The following RXYLT1 variants were observed in gnomAD, a reference collection of about 807,000 sequenced individuals.
RXYLT1 encodes ribitol-5-phosphate xylosyltransferase 1.
Under a neutral mutation model 43.5 loss-of-function variants are expected in RXYLT1, and 41 were observed. That is an observed-to-expected ratio of 0.94 (90% CI 0.73 to 1.22). The LOEUF (loss-of-function observed/expected upper bound fraction) is 1.22, where lower values mean the gene tolerates loss of function less well. RXYLT1 is among the 50% of genes most tolerant of loss of function. The probability of loss-of-function intolerance (pLI) is 0.00; values close to 1 mark genes in which losing one functional copy is unlikely to be tolerated. For synonymous variants in RXYLT1, 166 were observed against 194.4 expected, an observed-to-expected ratio of 0.85 and a Z score of 1.21; for missense variants, 514 against 532.0, an observed-to-expected ratio of 0.97 and a Z score of 0.33.
chr12:63,784,740 C>T (rs1897761883), intron 2 of RXYLT1, among the ~76,000 whole-genome samples: 1 of 152,162 alleles, frequency 6.6e-6, no homozygotes, highest in Admixed American at 6.5e-5. Context: ...TATTAACTCA[C>T]ATTTTGCCAC....
At chr12:63,787,487 C>G (rs907136162) in intron 3 of RXYLT1, among the ~76,000 whole-genome samples, 5 of 152,162 alleles carry the variant, frequency 3.3e-5, no homozygotes, top group African/African-American at 1.2e-4. Flanking sequence ...TTGACCTCGT[C>G]CCATGAATCA....
chr12:63,786,995 TC>T (rs977272626), intron 3 of RXYLT1, among the ~76,000 whole-genome samples: 5 of 151,998 alleles, frequency 3.3e-5, no homozygotes, highest in African/African-American at 1.2e-4. Context: ...ACACCTGTAA[TC>T]CCAGCTACTT....
chr12:63,809,266 G>A lies in RXYLT1; in HGVS notation c.*174G>A, dbSNP rs1012036914. 2 of 517,868 alleles carry A rather than the reference G, an allele frequency of 3.9e-6. No individual in the cohort carries two copies. The highest frequency in any genetic ancestry group is 7.1e-5 in the East Asian group (2 of 28,110). The allele number at this position is 517,868 out of a possible 1,614,324, so 32.1% of individuals were successfully genotyped here. On this transcript the variant is annotated 3_prime_UTR_variant, in exon 6 of 6. Transcript: ENST00000261234. ...GTGGTAGACTACATATATGATAGTG[G>A]TCCCATAAGATTATAATGGAGCTGA...
chr12:63,783,994 A>C (rs1328185865), intron 2 of RXYLT1, among the ~76,000 whole-genome samples: 1 of 151,814 alleles, frequency 6.6e-6, no homozygotes, highest in African/African-American at 2.4e-5. Context: ...TCACTCTGAC[A>C]CTCCTGCCTC....
At chr12:63,800,583 A>ATCATTTTTTCAT (rs1898136684) in intron 3 of RXYLT1, among the ~76,000 whole-genome samples, 1 of 152,138 alleles carries the variant, frequency 6.6e-6, no homozygotes, top group South Asian at 2.1e-4. Context: ...ATGAGTTATG[A>ATCATTTTTTCAT]TACATGTCTA....
At chr12:63,790,785 C>T (rs1031266752) in intron 3 of RXYLT1, among the ~76,000 whole-genome samples, 2 of 152,178 alleles carry the variant, frequency 1.3e-5, no homozygotes, top group South Asian at 2.1e-4. Context: ...TGTTCTATTA[C>T]TTTGCTGTCT....
rs1209872283 is a variant in RXYLT1 at position 63,798,230 on chromosome 12, T to G, written c.429-3861T>G. 2.0e-5 allele frequency among the ~76,000 whole-genome samples: 3 copies of G among 152,166 alleles called. No homozygotes were observed. The East Asian group carries it at 5.8e-4, about 29-fold the overall frequency. On this transcript the variant is annotated intron_variant, in intron 3 of 5. Transcript: ENST00000261234. ...CCAAGCTCTCAAACATTGAGTGATC[T>G]TTCCTGGCTCAAGGTTAAAGCCCAC...
chr12:63,798,901 AT>A (rs1343789430), intron 3 of RXYLT1, among the ~76,000 whole-genome samples: 1 of 152,178 alleles, frequency 6.6e-6, no homozygotes, highest in Non-Finnish European at 1.5e-5. Flanking sequence ...GTGTCTGTGT[AT>A]TTTTTTAAGT....
chr12:63,791,987 T>C (rs1897928082), intron 3 of RXYLT1, among the ~76,000 whole-genome samples: 1 of 152,244 alleles, frequency 6.6e-6, no homozygotes, highest in Admixed American at 6.5e-5. Context: ...AGGCAGGTAC[T>C]GTGCTTACCT....
intron 3 of RXYLT1, among the ~76,000 whole-genome samples, chr12:63,791,407 A>G (rs745462111): frequency 2.2e-4 from 33 of 152,234 alleles, no homozygotes; most frequent in Non-Finnish European, 3.8e-4. Context: ...CGATTATAAC[A>G]TCTTCAGTGA....
chr12:63,797,336 T>C (rs778277530), intron 3 of RXYLT1, among the ~76,000 whole-genome samples: 4 of 152,188 alleles, frequency 2.6e-5, no homozygotes, highest in African/African-American at 4.8e-5. Flanking sequence ...TTTATTGTTA[T>C]GGAAATACAG....
In RXYLT1 at chr12:63,802,212, G is replaced by T; in HGVS notation, c.550G>T (p.Ala184Ser). 1 of 1,614,074 alleles carries T rather than the reference G, an allele frequency of 6.2e-7. No homozygotes were observed. The highest frequency in any genetic ancestry group is 8.5e-7 in the Non-Finnish European group (1 of 1,180,008). ...IFYATQWLLY[A>S]QNLVQIQKLQ... Reference sequence around the variant, plus strand: ...TTATGCCACCCAGTGGTTACTTTATGCACAAAATTTAGTGCAAATTCAAAA... The same window carrying T: ...TTATGCCACCCAGTGGTTACTTTATTCACAAAATTTAGTGCAAATTCAAAA... The change falls in exon 4 of 6, where the codon GCA becomes TCA. Residue 184 changes from alanine to serine, a missense_variant. Ala to Ser is a moderately conservative substitution (Grantham distance 99). Transcript: ENST00000261234.
chr12:63,780,568 C>T (rs1897656885), intron 1 of RXYLT1: 3 of 963,520 alleles, frequency 3.1e-6, no homozygotes, highest in South Asian at 4.6e-5. Context: ...TGTGTTTTAA[C>T]TTGTGTTAAG....
Position 63,809,092 on chromosome 12 carries a change from ATTATC to A in RXYLT1, c.*3_*7del, listed in dbSNP as rs754170167. The A allele has an allele frequency of 1.3e-6, 2 of 1,499,338 alleles. No homozygotes were observed. Among genetic ancestry groups the A allele is most frequent in the African/African-American group, 2.9e-5 (2 of 69,884 alleles). The allele number at this position is 1,499,338 out of a possible 1,614,324, so 92.9% of individuals were successfully genotyped here. On this transcript the variant is annotated 3_prime_UTR_variant, in exon 6 of 6. Transcript: ENST00000261234. ...CATTTTTAATGAATAATAAAAGTTAATTATCTTTTTGAGCTAACATGTGATTTTTA... is the reference window on the plus strand; with the variant it reads ...CATTTTTAATGAATAATAAAAGTTAATTTTTGAGCTAACATGTGATTTTTA...
At chr12:63,808,563 T>TATA in intron 5 of RXYLT1, 112 bp from the exon 6 acceptor site, 3 of 1,227,550 alleles carry the variant, frequency 2.4e-6, no homozygotes. Context: ...CTATCATCTC[T>TATA]ATAAAGTTTC....
intron 3 of RXYLT1, among the ~76,000 whole-genome samples, chr12:63,788,844 G>A (rs774548582): frequency 6.6e-6 from 1 of 152,162 alleles, no homozygotes; most frequent in Non-Finnish European, 1.5e-5. Context: ...TTTGGCATAA[G>A]AGGCCTAGCT....
At chr12:63,785,563 ATT>A (rs1246602836) in intron 3 of RXYLT1, among the ~76,000 whole-genome samples, 2 of 152,044 alleles carry the variant, frequency 1.3e-5, no homozygotes, top group African/African-American at 4.8e-5. Flanking sequence ...TTTATTTTAG[ATT>A]TAATAAAGCC....
intron 3 of RXYLT1, among the ~76,000 whole-genome samples, chr12:63,789,994 C>T (rs934993810): frequency 5.3e-5 from 8 of 152,090 alleles, no homozygotes; most frequent in South Asian, 2.1e-4. Flanking sequence ...AATAAACAAA[C>T]GAGCTTATAT....
At position 63,780,051 on chromosome 12, in the gene RXYLT1, CG is replaced by C. The variant is rs886039490; in HGVS notation, c.92del (p.Arg31ProfsTer58). On this transcript the variant is annotated frameshift_variant, in exon 1 of 6. Transcript: ENST00000261234. LOFTEE classifies it high-confidence loss of function. ...CGCTGCCTACCACGTCTTCTTCGGGCGCCGCCGCCAGGCGCCGGCCGGGTCC... is the reference window on the plus strand; with the variant it reads ...CGCTGCCTACCACGTCTTCTTCGGGCCCGCCGCCAGGCGCCGGCCGGGTCC... Reference protein sequence around the residue: ...LYAAYHVFFGRRRQAPAGSPR... With the variant: ...LYAAYHVFFGXRRQAPAGSPR... The C allele has an allele frequency of 8.7e-6, 14 of 1,605,872 alleles. No homozygotes were observed. The highest frequency in any genetic ancestry group is 1.2e-5 in the Non-Finnish European group (14 of 1,177,704).
Sources: gnomAD v4.1 joint callset for allele counts (sites outside exome capture counted in the v4.1 genomes callset) on GRCh38, gnomAD v4.1.1 for gene constraint, MANE v1.5 for transcripts, NCBI Gene and HGNC (gene_info 2026-07-23, HGNC 2026-07-21) for gene names.